XKR6: variants seen among roughly 807,000 people sequenced by gnomAD.
XKR6 encodes XK related 6.
XKR6 carries 22 observed loss-of-function variants against 56.7 expected under a neutral mutation model. That is an observed-to-expected ratio of 0.39 (90% CI 0.28 to 0.55). The LOEUF is 0.55. Ranked by LOEUF, XKR6 falls within the 20% of genes least tolerant of loss-of-function variation. The probability of loss-of-function intolerance (pLI) is 0.66; values close to 1 mark genes in which losing one functional copy is unlikely to be tolerated. For synonymous variants in XKR6, 524 were observed against 387.8 expected, an observed-to-expected ratio of 1.35 and a Z score of -4.13; for missense variants, 852 against 889.0, an observed-to-expected ratio of 0.96 and a Z score of 0.53.
chr8:10,967,402 G>C (rs572380454), intron 1 of XKR6, among the ~76,000 whole-genome samples: 1 of 152,196 alleles, frequency 6.6e-6, no homozygotes, highest in South Asian at 2.1e-4. Flanking sequence ...TTAACTGCCT[G>C]GCCCCTGGGT....
intron 1 of XKR6, among the ~76,000 whole-genome samples, chr8:11,074,956 C>T (rs1251789284): frequency 1.3e-5 from 2 of 152,180 alleles, no homozygotes; most frequent in Non-Finnish European, 2.9e-5. Flanking sequence ...TCTGCAGTGT[C>T]CCCATGGGGC....
chr8:10,993,126 G>C (rs1478444283), intron 1 of XKR6, among the ~76,000 whole-genome samples: 1 of 152,250 alleles, frequency 6.6e-6, no homozygotes, highest in Non-Finnish European at 1.5e-5. Context: ...GGAACACGGA[G>C]GGCTTTTACT....
Position 11,124,979 on chromosome 8 carries a change from C to T in XKR6, c.764+75597G>A, listed in dbSNP as rs1234144431. On this transcript the variant is annotated intron_variant, in intron 1 of 2. Transcript: ENST00000416569. ...TGGCAGATGCCTGTAGTCCCAGCTACTCGGGAGGCTGAGGCAGGAGAATGG... is the reference window on the plus strand; with the variant it reads ...TGGCAGATGCCTGTAGTCCCAGCTATTCGGGAGGCTGAGGCAGGAGAATGG... Among the ~76,000 whole-genome samples the T allele has an allele frequency of 5.3e-5, 8 of 149,988 alleles. 1 individual carries two copies. Among genetic ancestry groups the T allele is most frequent in the Admixed American group, 5.3e-4 (8 of 15,086 alleles).
chr8:11,081,097 G>A (rs1448617257), intron 1 of XKR6, among the ~76,000 whole-genome samples: 2 of 152,166 alleles, frequency 1.3e-5, no homozygotes, highest in African/African-American at 4.8e-5. Flanking sequence ...CTGTTCTAAG[G>A]ACTGCAAGAA....
chr8:10,897,908 C>G lies in XKR6; in HGVS notation c.*44G>C. The G allele has an allele frequency of 1.3e-6, 2 of 1,519,240 alleles. No individual in the cohort carries two copies. Among genetic ancestry groups the G allele is most frequent in the Non-Finnish European group, 1.8e-6 (2 of 1,134,694 alleles). The allele number at this position is 1,519,240 out of a possible 1,614,324, so 94.1% of individuals were successfully genotyped here. On this transcript the variant is annotated 3_prime_UTR_variant, in exon 3 of 3. Coordinates refer to ENST00000416569, the MANE Select transcript of XKR6 (RefSeq NM_173683.4). ...TATTTCTTGCAAGTGCTGTTTGCCG[C>G]AAACCAAACTTAAGGTCCCCTTCTC...
chr8:11,115,816 T>C (rs138775999), intron 1 of XKR6, among the ~76,000 whole-genome samples: 9 of 152,316 alleles, frequency 5.9e-5, no homozygotes, highest in Admixed American at 2.0e-4. Context: ...ACCTCCAGCA[T>C]AAATGGGTTA....
intron 1 of XKR6, among the ~76,000 whole-genome samples, chr8:11,023,782 G>A (rs1274892248): frequency 2.0e-5 from 3 of 152,204 alleles, no homozygotes; most frequent in Non-Finnish European, 4.4e-5. Flanking sequence ...CACCTGCTGC[G>A]GAGCCACCTG....
chr8:11,033,444 CGTAATGATGATGATG>C (rs1047219002), intron 1 of XKR6, among the ~76,000 whole-genome samples: 6 of 135,996 alleles, frequency 4.4e-5, no homozygotes, highest in Non-Finnish European at 9.5e-5. Flanking sequence ...TGATGATGGT[CGTAATGATGATGATG>C]GTAATGATGG....
At chr8:11,077,750 A>T (rs755851214) in intron 1 of XKR6, among the ~76,000 whole-genome samples, 22 of 152,126 alleles carry the variant, frequency 1.4e-4, no homozygotes, top group Admixed American at 5.9e-4. Context: ...CCCAGCTGCA[A>T]GAATGCATCT....
intron 1 of XKR6, among the ~76,000 whole-genome samples, chr8:11,088,769 C>A (rs1045251801): frequency 2.0e-5 from 3 of 152,196 alleles, no homozygotes; most frequent in African/African-American, 4.8e-5. Flanking sequence ...CCTGTAAGTG[C>A]AAGGCATTAA....
At chr8:11,035,296 A>G (rs747101840) in intron 1 of XKR6, 8 of 534,690 alleles carry the variant, frequency 1.5e-5, no homozygotes, top group Non-Finnish European at 2.7e-5. Flanking sequence ...CAGCAGCATC[A>G]TCAAGCCATC....
At chr8:11,161,407 T>C (rs1801801954) in intron 1 of XKR6, among the ~76,000 whole-genome samples, 1 of 152,228 alleles carries the variant, frequency 6.6e-6, no homozygotes, top group Admixed American at 6.5e-5. Context: ...TCCCGTCTAG[T>C]GCCTTTGCTC....
At chr8:11,172,524 A>G (rs1386141958) in intron 1 of XKR6, among the ~76,000 whole-genome samples, 1 of 152,136 alleles carries the variant, frequency 6.6e-6, no homozygotes, top group Non-Finnish European at 1.5e-5. Context: ...CCCTTTCTCA[A>G]TGATGGCTTC....
intron 1 of XKR6, among the ~76,000 whole-genome samples, chr8:10,965,361 C>T (rs1802187594): frequency 6.6e-6 from 1 of 152,202 alleles, no homozygotes; most frequent in Non-Finnish European, 1.5e-5. Flanking sequence ...GCACCACGGT[C>T]CCCCAGGGAT....
At chr8:11,027,251 G>A (rs554650522) in intron 1 of XKR6, among the ~76,000 whole-genome samples, 5 of 152,284 alleles carry the variant, frequency 3.3e-5, no homozygotes, top group African/African-American at 1.2e-4. Flanking sequence ...CATCTTATGG[G>A]ACCATCCTCA....
intron 1 of XKR6, among the ~76,000 whole-genome samples, chr8:11,002,677 G>A (rs1798270487): frequency 1.3e-5 from 2 of 152,230 alleles, no homozygotes; most frequent in Admixed American, 1.3e-4. Context: ...ACCATGGGAT[G>A]GCCCAGGCCC....
At chr8:11,187,843 T>C (rs1803355993) in intron 1 of XKR6, among the ~76,000 whole-genome samples, 1 of 152,160 alleles carries the variant, frequency 6.6e-6, no homozygotes, top group Admixed American at 6.5e-5. Flanking sequence ...AGAATGAATC[T>C]ACATAACCCA....
At chr8:11,194,773 G>C (rs1484201273) in intron 1 of XKR6, 1 of 251,344 alleles carries the variant, frequency 4.0e-6, no homozygotes, top group African/African-American at 2.3e-5. Context: ...AGTATCAAAT[G>C]ATGTTGAAGA....
At chr8:10,912,464 TATAG>T (rs547965483) in intron 2 of XKR6, among the ~76,000 whole-genome samples, 18,247 of 113,760 alleles carry the variant, frequency 0.16, 1,285 homozygotes, top group Middle Eastern at 0.2. Flanking sequence ...TATATATATA[TATAG>T]AGAGAGAGAG....
Sources: allele counts gnomAD v4.1 joint callset (sites outside exome capture counted in the v4.1 genomes callset), GRCh38; gene constraint gnomAD v4.1.1; transcripts MANE v1.5; gene names NCBI Gene and HGNC (gene_info 2026-07-23, HGNC 2026-07-21).